ANXA13: variants seen among roughly 807,000 people sequenced by gnomAD.
The protein encoded by ANXA13 is annexin A13.
ANXA13 carries 36 observed loss-of-function variants against 46.6 expected under a neutral mutation model. The observed-to-expected ratio is 0.77, with a 90% CI of 0.59 to 1.02. The LOEUF is 1.02. Among genes scored for constraint, ANXA13 ranks in the 50% least tolerant of loss-of-function variants. The pLI, the probability that ANXA13 is intolerant of heterozygous loss-of-function variation, is 0.00. For missense variants in ANXA13, 417 were observed against 396.5 expected (o/e 1.05, Z -0.44); for synonymous variants, 163 against 152.9 (o/e 1.07, Z -0.49).
intron 9 of ANXA13, among the ~76,000 whole-genome samples, chr8:123,687,157 G>A (rs1813155523): frequency 6.6e-6 from 1 of 152,080 alleles, no homozygotes; most frequent in Non-Finnish European, 1.5e-5. Flanking sequence ...ACAAACCCTG[G>A]GCCCAGGCAG....
At position 123,685,506 on chromosome 8, in the gene ANXA13, T is replaced by A. The variant is rs564609408; in HGVS notation, c.719-784A>T. 2.0e-5 allele frequency among the ~76,000 whole-genome samples: 3 copies of A among 152,320 alleles called. No individual in the cohort carries two copies. In the South Asian group the frequency reaches 6.2e-4, roughly 32 times the overall value. ...AACACGTTAGAGGAAAAAAAAAATA[T>A]TTGCCCTTTAGGCTGTTAACATTTC... is the stretch of plus-strand genomic sequence containing the variant. On this transcript the variant is annotated intron_variant, in intron 9 of 10. Transcript: ENST00000419625.
In ANXA13 at chr8:123,695,383, A is replaced by T. The variant is rs73329914; in HGVS notation, c.471+119T>A. 3.8e-3 allele frequency: 2,957 copies of T among 773,784 alleles called. 61 individuals carry two copies. In the African/African-American group the frequency reaches 0.047, roughly 12 times the overall value. 47.9% of individuals were successfully genotyped at this position (773,784 alleles called of 1,614,324 possible). ...TGGAGCATGGGTTGATAATCCCTTG[A>T]TAATATTTTTAATATAAGAAAGAAA... is the stretch of plus-strand genomic sequence containing the variant. On this transcript the variant is annotated intron_variant, in intron 6 of 10. Transcript: ENST00000419625.
At chr8:123,724,101 G>A (rs78494122) in intron 1 of ANXA13, among the ~76,000 whole-genome samples, 4,463 of 152,276 alleles carry the variant, frequency 0.029, 220 homozygotes, top group African/African-American at 0.1. Flanking sequence ...CCAAAATGAT[G>A]AAGCAGAGAG....
chr8:123,734,005 G>A (rs1814192021), intron 1 of ANXA13, among the ~76,000 whole-genome samples: 1 of 152,346 alleles, frequency 6.6e-6, no homozygotes. Flanking sequence ...CTGAGCATCT[G>A]CATTCCTAAC....
chr8:123,730,959 T>C (rs567937709), intron 1 of ANXA13, among the ~76,000 whole-genome samples: 1 of 152,248 alleles, frequency 6.6e-6, no homozygotes, highest in South Asian at 2.1e-4. Context: ...TTCAATGCCA[T>C]CATCTGGGCA....
chr8:123,717,686 A>G (rs2129910863), intron 1 of ANXA13, among the ~76,000 whole-genome samples: 1 of 152,328 alleles, frequency 6.6e-6, no homozygotes, highest in East Asian at 1.9e-4. Context: ...TAGCCGTGTG[A>G]CTTCGGGCAA....
intron 1 of ANXA13, 22 bp from the exon 2 acceptor site, chr8:123,712,775 G>C (rs771008500): frequency 6.8e-6 from 11 of 1,609,654 alleles, no homozygotes; most frequent in Middle Eastern, 3.3e-4. Flanking sequence ...AATTGAAAAG[G>C]TGAGATGACA....
chr8:123,693,279 C>A lies in ANXA13; in HGVS notation c.560G>T (p.Gly187Val). 2 of 1,614,086 alleles carry A rather than the reference C, an allele frequency of 1.2e-6. No individual in the cohort carries two copies. The highest frequency in any genetic ancestry group is 1.7e-6 in the Non-Finnish European group (2 of 1,180,000). ...DLYDAGEGRW[G>V]TDELAFNEVL... The stretch of plus-strand genomic sequence containing the variant: ...TTCATTGAACGCAAGCTCATCAGTG[C>A]CCCAGCGGCCTTCCCCTGCCTCAAG... Residue 187 changes from glycine (G) to valine (V), a missense_variant, in exon 8 of 11, where the codon GGC becomes GTC. Coordinates refer to ENST00000419625, the MANE Select transcript of ANXA13 (RefSeq NM_004306.4).
At chr8:123,682,156 C>T (rs1033545345) in intron 10 of ANXA13, among the ~76,000 whole-genome samples, 5 of 152,116 alleles carry the variant, frequency 3.3e-5, no homozygotes, top group Non-Finnish European at 7.3e-5. Flanking sequence ...TTCCCTCATA[C>T]CATGATTAGC....
intron 9 of ANXA13, among the ~76,000 whole-genome samples, chr8:123,687,237 G>A (rs548949107): frequency 5.3e-4 from 80 of 152,220 alleles, no homozygotes; most frequent in African/African-American, 1.9e-3. Context: ...GTGTTTTCCC[G>A]ATTCTCACAA....
chr8:123,698,567 A>C lies in ANXA13; in HGVS notation c.187-8T>G. ...GAGTACTTCCTCCAGCTCCTACCAG[A>C]AGACAGTGAGAGACGTGCTGGGAAT... On this transcript the variant is annotated splice_polypyrimidine_tract_variant and splice_region_variant and intron_variant, in intron 3 of 10. Transcript: ENST00000419625. 6.2e-7 allele frequency: 1 copy of C among 1,613,728 alleles called. No homozygotes were observed. The highest frequency in any genetic ancestry group is 8.5e-7 in the Non-Finnish European group (1 of 1,179,676).
intron 1 of ANXA13, among the ~76,000 whole-genome samples, chr8:123,734,187 TC>T (rs561317669): frequency 1.5e-4 from 23 of 152,300 alleles, no homozygotes; most frequent in African/African-American, 5.5e-4. Context: ...CTACTAGGTC[TC>T]CCTCCCTCTG....
intron 1 of ANXA13, among the ~76,000 whole-genome samples, chr8:123,720,657 CGTGTGT>C (rs34135339): frequency 0.012 from 1,672 of 141,492 alleles, 32 homozygotes; most frequent in African/African-American, 0.039. Flanking sequence ...CCTGTGTCCC[CGTGTGT>C]GTGTGTGTGT....
intron 2 of ANXA13, among the ~76,000 whole-genome samples, chr8:123,709,464 TC>T (rs1262267627): frequency 1.3e-5 from 2 of 151,892 alleles, no homozygotes; most frequent in East Asian, 3.9e-4. Context: ...TCTGTCTTCC[TC>T]CCCCCATTCT....
intron 2 of ANXA13, among the ~76,000 whole-genome samples, chr8:123,706,574 A>ATC (rs779495032): frequency 6.6e-6 from 1 of 151,940 alleles, no homozygotes; most frequent in Non-Finnish European, 1.5e-5. Context: ...CTCCATCCTC[A>ATC]TCTCCACCCC....
At chr8:123,693,611 C>T in intron 7 of ANXA13, 100 bp downstream of exon 7, 4 of 1,049,892 alleles carry the variant, frequency 3.8e-6, no homozygotes, top group Non-Finnish European at 5.7e-6. Context: ...TTTCTTATTT[C>T]CCAAGTAACT....
intron 4 of ANXA13, among the ~76,000 whole-genome samples, 187 bp from the exon 5 acceptor site, chr8:123,695,908 C>T (rs547659436): frequency 1.5e-5 from 2 of 131,512 alleles, no homozygotes; most frequent in South Asian, 3.0e-4. Flanking sequence ...GACGGCCCGC[C>T]CCCCCCCCAC....
intron 1 of ANXA13, among the ~76,000 whole-genome samples, chr8:123,719,528 A>G (rs1425916753): frequency 6.6e-6 from 1 of 152,214 alleles, no homozygotes. Flanking sequence ...ACTTTTGGGT[A>G]CAAATAGCTG....
intron 3 of ANXA13, among the ~76,000 whole-genome samples, 193 bp from the exon 4 acceptor site, chr8:123,698,752 A>G (rs1813391713): frequency 2.0e-5 from 3 of 152,172 alleles, no homozygotes; most frequent in African/African-American, 7.2e-5. Flanking sequence ...GCTGGCAGAG[A>G]GGCAGAGAGG....
Sources: allele counts gnomAD v4.1 joint callset (sites outside exome capture counted in the v4.1 genomes callset), GRCh38; gene constraint gnomAD v4.1.1; transcripts MANE v1.5; gene names NCBI Gene and HGNC (gene_info 2026-07-23, HGNC 2026-07-21).